The following GRIK2 variants were observed in gnomAD, a reference collection of about 807,000 sequenced individuals.
GRIK2 encodes the protein glutamate receptor ionotropic, kainate 2.
In GRIK2, 32 loss-of-function variants were observed where a neutral mutation model predicts 100.3. That is an observed-to-expected ratio of 0.32 (90% CI 0.24 to 0.43). GRIK2 has a LOEUF of 0.43. Among genes scored for constraint, GRIK2 ranks in the 20% least tolerant of loss-of-function variants. GRIK2 has a pLI of 1.00. For synonymous variants in GRIK2, 417 were observed against 389.4 expected, an observed-to-expected ratio of 1.07 and a Z score of -0.83; for missense variants, 843 against 1,114.9, an observed-to-expected ratio of 0.76 and a Z score of 3.47.
chr6:101,984,032 G>T (rs771569904), intron 14 of GRIK2, among the ~76,000 whole-genome samples: 14 of 151,674 alleles, frequency 9.2e-5, no homozygotes, highest in Non-Finnish European at 1.8e-4. Context: ...TTCACAGACA[G>T]AACAAAGCCA....
chr6:102,041,298 A>AAAGAT (rs1275036243), intron 15 of GRIK2, among the ~76,000 whole-genome samples: 1 of 151,638 alleles, frequency 6.6e-6, no homozygotes, highest in African/African-American at 2.4e-5. Context: ...TTTTATACAC[A>AAAGAT]AAGATTGGAT....
chr6:101,758,643 A>G (rs1451228754), intron 7 of GRIK2, among the ~76,000 whole-genome samples: 4 of 152,208 alleles, frequency 2.6e-5, no homozygotes, highest in African/African-American at 7.2e-5. Flanking sequence ...ATAAAACAGT[A>G]AAATTTAATC....
At chr6:101,882,781 A>G (rs1786345344) in intron 11 of GRIK2, among the ~76,000 whole-genome samples, 1 of 152,138 alleles carries the variant, frequency 6.6e-6, no homozygotes, top group African/African-American at 2.4e-5. Flanking sequence ...GAAATATACA[A>G]TTTAAACAAG....
intron 7 of GRIK2, among the ~76,000 whole-genome samples, chr6:101,795,065 T>C (rs868535942): frequency 4.6e-5 from 7 of 151,992 alleles, no homozygotes; most frequent in South Asian, 2.1e-4. Flanking sequence ...CCAGGTTTCA[T>C]CATGTTGTTT....
intron 14 of GRIK2, among the ~76,000 whole-genome samples, chr6:102,016,114 T>C (rs1297944268): frequency 3.3e-5 from 5 of 152,272 alleles, no homozygotes; most frequent in African/African-American, 1.2e-4. Context: ...TCCAAATGAC[T>C]GCACTAGTTG....
intron 8 of GRIK2, 34 bp from the exon 9 acceptor site, chr6:101,802,297 C>A: frequency 1.2e-6 from 1 of 853,336 alleles, no homozygotes; most frequent in Non-Finnish European, 1.8e-6. Flanking sequence ...TCTTTCTTCA[C>A]TTATTTATTA....
In GRIK2 at chr6:101,786,693, A is replaced by T. The variant is rs548186823; in HGVS notation, c.952-12955A>T. Among the ~76,000 whole-genome samples, 35 of 152,172 alleles carry T rather than the reference A, an allele frequency of 2.3e-4. No individual in the cohort carries two copies. In the East Asian group the frequency reaches 6.8e-3, roughly 29 times the overall value. On this transcript the variant is annotated intron_variant, in intron 7 of 16. Transcript: ENST00000369134. ...GATGTTCTGTTGAATTTAGCTTGCTACTGTTTTGTTGAGGATTTTTACATC... is the reference window on the plus strand; with the variant it reads ...GATGTTCTGTTGAATTTAGCTTGCTTCTGTTTTGTTGAGGATTTTTACATC...
chr6:101,679,120 T>A (rs979426985), intron 5 of GRIK2, among the ~76,000 whole-genome samples: 1 of 151,842 alleles, frequency 6.6e-6, no homozygotes, highest in African/African-American at 2.4e-5. Context: ...AAAATAGTAA[T>A]CAGGAACTTC....
intron 2 of GRIK2, among the ~76,000 whole-genome samples, chr6:101,619,460 A>G (rs1780043482): frequency 6.6e-6 from 1 of 151,960 alleles, no homozygotes; most frequent in South Asian, 2.1e-4. Context: ...AAGAATAAGA[A>G]AGTTTCAATT....
chr6:102,012,425 A>G (rs952832264), intron 14 of GRIK2, among the ~76,000 whole-genome samples: 5 of 152,072 alleles, frequency 3.3e-5, no homozygotes, highest in African/African-American at 1.2e-4. Context: ...GACTTTATAG[A>G]TAAAGTTGAA....
At chr6:101,562,073 A>AAGCTTTATGC (rs1269549614) in intron 2 of GRIK2, among the ~76,000 whole-genome samples, 1 of 152,174 alleles carries the variant, frequency 6.6e-6, no homozygotes, top group Non-Finnish European at 1.5e-5. Context: ...AACAATGGCA[A>AAGCTTTATGC]AGCTTTATGC....
chr6:101,716,830 C>G (rs1390778584), intron 7 of GRIK2, among the ~76,000 whole-genome samples: 1 of 151,766 alleles, frequency 6.6e-6, no homozygotes, highest in Non-Finnish European at 1.5e-5. Context: ...CATTTTATAG[C>G]TAAAAACCTG....
At chr6:101,771,002 A>G (rs1463477578) in intron 7 of GRIK2, among the ~76,000 whole-genome samples, 1 of 152,130 alleles carries the variant, frequency 6.6e-6, no homozygotes, top group Non-Finnish European at 1.5e-5. Context: ...TACCTATTAT[A>G]TTGTCTAGTA....
chr6:101,785,031 T>G (rs928644247), intron 7 of GRIK2, among the ~76,000 whole-genome samples: 3 of 152,234 alleles, frequency 2.0e-5, no homozygotes, highest in African/African-American at 7.2e-5. Flanking sequence ...TGGTTTTGAC[T>G]TGCATTTCCC....
intron 14 of GRIK2, among the ~76,000 whole-genome samples, chr6:102,035,018 T>G (rs898274834): frequency 6.6e-6 from 1 of 151,284 alleles, no homozygotes; most frequent in African/African-American, 2.4e-5. Flanking sequence ...CACAAAGAAC[T>G]TCCTTATAAA....
At chr6:101,734,782 T>A (rs1354366268) in intron 7 of GRIK2, among the ~76,000 whole-genome samples, 1 of 152,134 alleles carries the variant, frequency 6.6e-6, no homozygotes, top group Non-Finnish European at 1.5e-5. Flanking sequence ...GTAATCTGAT[T>A]ACTATTATTA....
chr6:101,702,353 C>T (rs1772959453), intron 7 of GRIK2, among the ~76,000 whole-genome samples: 1 of 151,920 alleles, frequency 6.6e-6, no homozygotes, highest in South Asian at 2.1e-4. Context: ...TACATTAATA[C>T]ATTTAGGAAT....
chr6:102,055,650 A>G, intron 16 of GRIK2, 70 bp downstream of exon 16: 2 of 1,110,840 alleles, frequency 1.8e-6, no homozygotes, highest in Non-Finnish European at 2.7e-6. Context: ...AAACCAAAAG[A>G]GTTTTTATGT....
At chr6:101,730,814 T>C (rs1775213813) in intron 7 of GRIK2, among the ~76,000 whole-genome samples, 1 of 151,880 alleles carries the variant, frequency 6.6e-6, no homozygotes, top group East Asian at 1.9e-4. Context: ...ATTCAGATTT[T>C]TTTTTAAAAA....
Sources: allele counts gnomAD v4.1 joint callset (sites outside exome capture counted in the v4.1 genomes callset), GRCh38; gene constraint gnomAD v4.1.1; transcripts MANE v1.5; gene names NCBI Gene and HGNC (gene_info 2026-07-23, HGNC 2026-07-21).